Variants in TEX9 observed in about 807,000 individuals in gnomAD.
TEX9 encodes the protein testis expressed 9.
In TEX9, 74 loss-of-function variants were observed where a neutral mutation model predicts 59.6. The observed-to-expected ratio is 1.24, with a 90% CI of 1.03 to 1.51. TEX9 has a LOEUF of 1.51. Ranked by LOEUF, TEX9 falls within the 40% of genes most tolerant of loss-of-function variation. The pLI is 0.00. For missense variants in TEX9, 522 were observed against 447.8 expected, an observed-to-expected ratio of 1.17 and a Z score of -1.49; for synonymous variants, 186 against 152.2, an observed-to-expected ratio of 1.22 and a Z score of -1.64.
intron 12 of TEX9, among the ~76,000 whole-genome samples, chr15:56,432,637 T>A (rs1366368329): frequency 2.0e-5 from 3 of 152,196 alleles, no homozygotes; most frequent in Non-Finnish European, 4.4e-5. Flanking sequence ...ATGCATTAGG[T>A]GGCTTTATCT....
Position 56,428,886 on chromosome 15 carries a change from A to G in TEX9, c.*29+413A>G, listed in dbSNP as rs1041179365. The G allele has an allele frequency of 2.6e-5, 13 of 497,508 alleles. No homozygotes were observed. The Admixed American group carries it at 4.8e-4, about 18-fold the overall frequency. The allele number at this position is 497,508 out of a possible 1,614,324, so 30.8% of individuals were successfully genotyped here. On this transcript the variant is annotated intron_variant, in intron 12 of 12. Coordinates refer to ENST00000352903, the Ensembl canonical transcript of TEX9. ...TGCAAACAGTGCTCTGTAGTGTTGT[A>G]GAAATCGGATTTTGAAATTATCAGT...
intron 9 of TEX9, among the ~76,000 whole-genome samples, chr15:56,398,778 T>C (rs549436769): frequency 6.6e-6 from 1 of 152,300 alleles, no homozygotes; most frequent in African/African-American, 2.4e-5. Flanking sequence ...AATTTTTTTT[T>C]CCCTTTGTAT....
At chr15:56,272,005 A>G (rs2718938) in intron 1 of TEX9, among the ~76,000 whole-genome samples, 149,888 of 152,092 alleles carry the variant, frequency 0.99, 73,899 homozygotes, top group Middle Eastern at 1. Flanking sequence ...TTAGCTGGGC[A>G]TGGGGGTGGG....
chr15:56,275,759 T>G (rs2044652965), intron 1 of TEX9, among the ~76,000 whole-genome samples: 1 of 152,192 alleles, frequency 6.6e-6, no homozygotes, highest in African/African-American at 2.4e-5. Flanking sequence ...TGAACTGTAC[T>G]TTTTCTAAAT....
At chr15:56,447,169 T>C (rs2050911849), downstream of TEX9, 3 of 386,918 alleles carry the variant, frequency 7.8e-6, no homozygotes, top group South Asian at 4.3e-5. Context: ...TACATTCATC[T>C]GTTTGCTTAT....
intron 1 of TEX9, among the ~76,000 whole-genome samples, chr15:56,311,976 C>T (rs1299130946): frequency 6.6e-6 from 1 of 150,580 alleles, no homozygotes; most frequent in Non-Finnish European, 1.5e-5. Context: ...CCTTTGCCCA[C>T]TTTTTGATGG....
the TEX9 span, among the ~76,000 whole-genome samples, chr15:56,455,318 A>G: frequency 6.6e-6 from 1 of 151,480 alleles, no homozygotes; most frequent in Non-Finnish European, 1.5e-5. Flanking sequence ...GCCCAAAAAG[A>G]TAGTTTGAGA....
chr15:56,293,053 G>T (rs2045133632), intron 1 of TEX9, among the ~76,000 whole-genome samples: 1 of 152,178 alleles, frequency 6.6e-6, no homozygotes, highest in Non-Finnish European at 1.5e-5. Context: ...TTTCCTTCTT[G>T]GCCAGGTGCA....
rs535026430 is a variant in TEX9 at position 56,331,470 on chromosome 15, A to G, written c.-106-41971A>G. The stretch of plus-strand genomic sequence containing the variant: ...TCTAGCATCTTCTCTGACCACAATT[A>G]AATAAAATCAGAAATCAATAAGAGG... On this transcript the variant is annotated intron_variant, in intron 1 of 5. Transcript: ENST00000560827. Among the ~76,000 whole-genome samples the G allele has an allele frequency of 1.1e-4, 16 of 152,346 alleles. 1 individual carries two copies. The South Asian group carries it at 2.5e-3, about 24-fold the overall frequency.
intron 1 of TEX9, among the ~76,000 whole-genome samples, chr15:56,245,028 C>T (rs1434837360): frequency 2.0e-5 from 3 of 152,112 alleles, no homozygotes; most frequent in Admixed American, 2.0e-4. Flanking sequence ...ATGAGCCCTT[C>T]AGCTTTAACT....
intron 1 of TEX9, among the ~76,000 whole-genome samples, chr15:56,322,094 G>T (rs1344794385): frequency 6.6e-6 from 1 of 151,968 alleles, no homozygotes; most frequent in Non-Finnish European, 1.5e-5. Context: ...AAAATAAAGG[G>T]AACCATGTCC....
intron 1 of TEX9, among the ~76,000 whole-genome samples, chr15:56,272,261 G>A (rs1191988900): frequency 6.6e-6 from 1 of 152,078 alleles, no homozygotes; most frequent in Non-Finnish European, 1.5e-5. Flanking sequence ...TGTACCTGTT[G>A]GTAGTTAATT....
intron 1 of TEX9, among the ~76,000 whole-genome samples, chr15:56,330,597 A>C (rs544087014): frequency 6.6e-6 from 1 of 152,300 alleles, no homozygotes; most frequent in Middle Eastern, 3.4e-3. Flanking sequence ...CAAAGTTATT[A>C]TCAGCTTAAA....
chr15:56,270,153 C>A (rs1264611252), intron 1 of TEX9, among the ~76,000 whole-genome samples: 1 of 152,086 alleles, frequency 6.6e-6, no homozygotes, highest in Non-Finnish European at 1.5e-5. Context: ...CTGTAGATGC[C>A]TATTAGGTCT....
intron 1 of TEX9, among the ~76,000 whole-genome samples, chr15:56,292,358 A>G (rs1384289731): frequency 2.6e-5 from 4 of 152,188 alleles, no homozygotes; most frequent in East Asian, 1.9e-4. Context: ...ACTGGCAGAG[A>G]GCATCATGAA....
intron 1 of TEX9, among the ~76,000 whole-genome samples, chr15:56,272,938 A>T (rs112590183): frequency 0.35 from 47,772 of 135,856 alleles, 8,605 homozygotes; most frequent in Non-Finnish European, 0.42. Context: ...TTATTTATTT[A>T]TTTTTTTTGT....
At chr15:56,295,091 A>G (rs1210930776) in intron 1 of TEX9, among the ~76,000 whole-genome samples, 1 of 152,150 alleles carries the variant, frequency 6.6e-6, no homozygotes, top group Non-Finnish European at 1.5e-5. Context: ...TAATTCTATA[A>G]TATAAGCCTA....
intron 4 of TEX9, among the ~76,000 whole-genome samples, chr15:56,387,769 G>A (rs1941569962): frequency 6.6e-6 from 1 of 151,886 alleles, no homozygotes; most frequent in African/African-American, 2.4e-5. Context: ...TGTTGTACCT[G>A]CTTAACTTTA....
intron 1 of TEX9, among the ~76,000 whole-genome samples, chr15:56,300,962 C>T (rs576149247): frequency 2.0e-5 from 3 of 152,200 alleles, no homozygotes; most frequent in South Asian, 2.1e-4. Flanking sequence ...AGAATATCAA[C>T]GAGCATCAAG....
Sources: allele counts gnomAD v4.1 joint callset (sites outside exome capture counted in the v4.1 genomes callset), GRCh38; gene constraint gnomAD v4.1.1; transcripts MANE v1.5; gene names NCBI Gene and HGNC (gene_info 2026-07-23, HGNC 2026-07-21).